Variants in RTCB observed in about 807,000 individuals in gnomAD.
The protein encoded by RTCB is RNA-splicing ligase RTCB.
RTCB carries 32 observed loss-of-function variants against 58.2 expected under a neutral mutation model. The ratio of observed to expected loss-of-function variants is 0.55; its 90% CI spans 0.41 to 0.74. RTCB has a LOEUF of 0.74. Ranked by LOEUF, RTCB falls within the 30% of genes least tolerant of loss-of-function variation. The pLI is 0.00. For missense variants in RTCB, 523 were observed against 639.0 expected, an observed-to-expected ratio of 0.82 and a Z score of 1.96; for synonymous variants, 247 against 218.6, an observed-to-expected ratio of 1.13 and a Z score of -1.15.
chr22:32,395,694 C>T lies in RTCB; in HGVS notation c.990+380G>A, dbSNP rs545798085. The stretch of plus-strand genomic sequence containing the variant: ...CACCATAGGCTTTGACTGGACTGCA[C>T]GATGTTTTTTTCTTTTGGAGACAGG... On this transcript the variant is annotated intron_variant, in intron 8 of 11. Coordinates refer to ENST00000216038, the MANE Select transcript of RTCB (RefSeq NM_014306.5). 3.3e-5 allele frequency among the ~76,000 whole-genome samples: 5 copies of T among 152,210 alleles called. No individual in the cohort carries two copies. In the South Asian group the frequency reaches 6.2e-4, roughly 19 times the overall value.
In RTCB at chr22:32,393,877, TTC is replaced by T. The variant is rs764716960; in HGVS notation, c.1290+13_1290+14del. On this transcript the variant is annotated intron_variant, in intron 10 of 11. Coordinates refer to ENST00000216038, the MANE Select transcript of RTCB (RefSeq NM_014306.5). ...CTGAAGAGAGCATTTCTAAGGAAGTTTCTGTTTTCCTTACCGCTCCATGACAG... is the reference window on the plus strand; with the variant it reads ...CTGAAGAGAGCATTTCTAAGGAAGTTTGTTTTCCTTACCGCTCCATGACAG... 1.5e-5 allele frequency: 24 copies of T among 1,560,446 alleles called. No individual in the cohort carries two copies. Among genetic ancestry groups the T allele is most frequent in the Non-Finnish European group, 2.0e-5 (23 of 1,131,214 alleles).
chr22:32,412,067 C>A lies in RTCB; in HGVS notation c.90G>T (p.Met30Ile), dbSNP rs775386348. 8.7e-6 allele frequency: 14 copies of A among 1,605,158 alleles called. No homozygotes were observed. Among genetic ancestry groups the A allele is most frequent in the Non-Finnish European group, 1.2e-5 (14 of 1,177,906 alleles). Residue 30 changes from methionine (M) to isoleucine (I), a missense_variant, in exon 1 of 12, where the codon ATG (methionine) becomes ATT (isoleucine). By Grantham distance (10) the Met-to-Ile change is conservative. Transcript: ENST00000216038. ...WRIKKGFVPN[M>I]QVEGVFYVND... ...GCCATTTGCTCTCCTGCCTTACCTG[C>A]ATGTTGGGCACGAAGCCCTTCTTGA...
At chr22:32,397,065 ACCT>A (rs906746908) in intron 7 of RTCB, among the ~76,000 whole-genome samples, 47 of 152,134 alleles carry the variant, frequency 3.1e-4, no homozygotes, top group African/African-American at 1.1e-3. Flanking sequence ...ACCAATAGTT[ACCT>A]CCTCCTCCCT....
In RTCB at chr22:32,387,809, G is replaced by T; in HGVS notation, c.*183C>A. ...GTGGGCAATGTGCCTCTTCCTGGAAGGTTATTTTACAAGCACGGGCCCCTG... is the reference window on the plus strand; with the variant it reads ...GTGGGCAATGTGCCTCTTCCTGGAATGTTATTTTACAAGCACGGGCCCCTG... On this transcript the variant is annotated 3_prime_UTR_variant, in exon 12 of 12. Transcript: ENST00000216038. The T allele has an allele frequency of 1.8e-6, 1 of 542,170 alleles. No individual in the cohort carries two copies. 33.6% of individuals were successfully genotyped at this position (542,170 alleles called of 1,614,324 possible).
chr22:32,396,816 T>C (rs1348914273), intron 7 of RTCB, among the ~76,000 whole-genome samples: 1 of 152,234 alleles, frequency 6.6e-6, no homozygotes, highest in African/African-American at 2.4e-5. Context: ...TACCTTTTCA[T>C]TGATTCGCTG....
At position 32,396,083 on chromosome 22, in the gene RTCB, TAAG is replaced by T. The variant is rs1311968808; in HGVS notation, c.978_980del (p.Phe326del). ...GCAACTTCTACTGTACCTGACGGGT[TAAG>T]AAGGTCATGGAAGAGCGGTTGACCC... On this transcript the variant is annotated inframe_deletion, in exon 8 of 12. Transcript: ENST00000216038. 1.2e-6 allele frequency: 2 copies of T among 1,613,894 alleles called. No homozygotes were observed. Among genetic ancestry groups the T allele is most frequent in the Non-Finnish European group, 1.7e-6 (2 of 1,179,908 alleles).
intron 11 of RTCB, among the ~76,000 whole-genome samples, chr22:32,391,395 AT>A (rs200157911): frequency 0.18 from 26,017 of 141,646 alleles, 2,106 homozygotes; most frequent in Non-Finnish European, 0.23. Flanking sequence ...CAATAAGTAA[AT>A]TTTTTTTTTT....
In RTCB at chr22:32,401,732, A is replaced by G. The variant is rs374886725; in HGVS notation, c.497+15T>C. ...TATCCCTCCCATACCATGTACTGGA[A>G]ACGTGTGCTCTTACTTGGCATTCAT... On this transcript the variant is annotated intron_variant, in intron 5 of 11. Coordinates refer to ENST00000216038, the MANE Select transcript of RTCB (RefSeq NM_014306.5). 7.4e-6 allele frequency: 12 copies of G among 1,613,296 alleles called. No individual in the cohort carries two copies. In the African/African-American group the frequency reaches 1.3e-4, roughly 18 times the overall value.
chr22:32,397,925 A>G lies in RTCB; in HGVS notation c.814+16T>C, dbSNP rs1222778450. ...GCCCATAAAATGTACATTTTAGCACAAAGTCTAGAATATACCTGTGGCTAC... is the reference window on the plus strand; with the variant it reads ...GCCCATAAAATGTACATTTTAGCACGAAGTCTAGAATATACCTGTGGCTAC... On this transcript the variant is annotated intron_variant, in intron 7 of 11. Coordinates refer to ENST00000216038, the MANE Select transcript of RTCB (RefSeq NM_014306.5). The G allele has an allele frequency of 6.3e-7, 1 of 1,579,178 alleles. No homozygotes were observed. The highest frequency in any genetic ancestry group is 2.0e-5 in the Admixed American group (1 of 51,252).
chr22:32,401,684 G>A (rs1490153515), intron 5 of RTCB, 63 bp downstream of exon 5: 4 of 1,551,038 alleles, frequency 2.6e-6, no homozygotes, highest in Non-Finnish European at 3.5e-6. Context: ...CACTGGAAAG[G>A]AAGCTGAAGG....
At chr22:32,392,382 T>C (rs773773602) in intron 10 of RTCB, 23 bp from the exon 11 acceptor site, 1 of 1,613,030 alleles carries the variant, frequency 6.2e-7, no homozygotes, top group African/African-American at 1.3e-5. Context: ...AGGAATGAAC[T>C]TTACTTTAAA....
intron 1 of RTCB, among the ~76,000 whole-genome samples, chr22:32,410,296 G>A (rs183774685): frequency 7.2e-5 from 11 of 152,264 alleles, no homozygotes; most frequent in Admixed American, 5.9e-4. Context: ...CATCACTGGC[G>A]CAGCAGAACA....
At position 32,394,247 on chromosome 22, in the gene RTCB, G is replaced by T. The variant is rs568739995; in HGVS notation, c.1180-245C>A. On this transcript the variant is annotated intron_variant, in intron 9 of 11. Transcript: ENST00000216038. ...TTGCCTCAGCCTCCCGAGTTGCTGGGACCACAGGCGCCTGCTGCCATGCCC... is the reference window on the plus strand; with the variant it reads ...TTGCCTCAGCCTCCCGAGTTGCTGGTACCACAGGCGCCTGCTGCCATGCCC... 3.3e-5 allele frequency among the ~76,000 whole-genome samples: 5 copies of T among 152,014 alleles called. No individual in the cohort carries two copies. The South Asian group carries it at 1.0e-3, about 32-fold the overall frequency.
At chr22:32,401,090 G>GT (rs536914312) in intron 5 of RTCB, among the ~76,000 whole-genome samples, 41,452 of 136,686 alleles carry the variant, frequency 0.3, 6,196 homozygotes, top group Non-Finnish European at 0.34. Flanking sequence ...CACCTACTAA[G>GT]TTTTTTTTTT....
intron 8 of RTCB, among the ~76,000 whole-genome samples, chr22:32,395,792 T>G (rs1052410896): frequency 2.0e-5 from 3 of 152,118 alleles, no homozygotes; most frequent in Non-Finnish European, 4.4e-5. Flanking sequence ...CTTTCCAGGT[T>G]CACACCATTC....
chr22:32,392,574 C>T (rs187080783), intron 10 of RTCB: 160 of 697,246 alleles, frequency 2.3e-4, no homozygotes, highest in Middle Eastern at 4.7e-4. Flanking sequence ...AGCAGCGCAG[C>T]GCAGTGTATT....
chr22:32,408,266 GA>G (rs1933461555), intron 2 of RTCB, 24 bp from the exon 3 acceptor site: 1 of 1,597,164 alleles, frequency 6.3e-7, no homozygotes, highest in Non-Finnish European at 8.6e-7. Context: ...TTGGGTATTA[GA>G]AAAGACAACA....
At chr22:32,395,356 CTTCACG>C in intron 8 of RTCB, 142 bp from the exon 9 acceptor site, 1 of 664,744 alleles carries the variant, frequency 1.5e-6, no homozygotes. Flanking sequence ...GTAAGATTAT[CTTCACG>C]TAAAGGACAA....
chr22:32,400,725 A>G (rs1274302042), intron 5 of RTCB, among the ~76,000 whole-genome samples: 2 of 152,244 alleles, frequency 1.3e-5, no homozygotes, highest in African/African-American at 4.8e-5. Context: ...GAGTTAAATA[A>G]CATTACAAGT....
Sources: allele counts gnomAD v4.1 joint callset (sites outside exome capture counted in the v4.1 genomes callset), GRCh38; gene constraint gnomAD v4.1.1; transcripts MANE v1.5; gene names NCBI Gene and HGNC (gene_info 2026-07-23, HGNC 2026-07-21).